Variants in SHLD2 observed in about 807,000 individuals in gnomAD.
SHLD2 encodes shieldin complex subunit 2.
In SHLD2, 30 loss-of-function variants were observed where a neutral mutation model predicts 73.2. That is an observed-to-expected ratio of 0.41 (90% CI 0.31 to 0.56). SHLD2 has a LOEUF of 0.56. Among genes scored for constraint, SHLD2 ranks in the 20% least tolerant of loss-of-function variants. The pLI is 0.28. For missense variants in SHLD2, 745 were observed against 1,055.9 expected (o/e 0.71, Z 4.08); for synonymous variants, 285 against 370.1 (o/e 0.77, Z 2.64).
chr10:87,116,578 AGGG>A (rs1354221485), intron 2 of SHLD2, among the ~76,000 whole-genome samples: 2 of 136,964 alleles, frequency 1.5e-5, no homozygotes, highest in Non-Finnish European at 1.5e-5. Flanking sequence ...TTTTCAGTGA[AGGG>A]GGGATAAGGT....
At chr10:87,148,103 A>T (rs1347539055) in intron 2 of SHLD2, among the ~76,000 whole-genome samples, 2 of 152,154 alleles carry the variant, frequency 1.3e-5, no homozygotes, top group Admixed American at 1.3e-4. Flanking sequence ...CACTTGCCTC[A>T]GCCTCCCGAA....
intron 2 of SHLD2, among the ~76,000 whole-genome samples, chr10:87,107,028 C>T (rs553053959): frequency 1.2e-4 from 17 of 141,086 alleles, no homozygotes; most frequent in Admixed American, 8.5e-4. Flanking sequence ...GGAGGGCCAT[C>T]GAAAACTAGT....
At chr10:87,126,500 A>T (rs1384919496) in intron 2 of SHLD2, among the ~76,000 whole-genome samples, 3 of 152,150 alleles carry the variant, frequency 2.0e-5, no homozygotes, top group Non-Finnish European at 4.4e-5. Flanking sequence ...TACTAACTAG[A>T]AGTAGTATAG....
chr10:87,144,057 G>T (rs1203070910), intron 2 of SHLD2, among the ~76,000 whole-genome samples: 2 of 151,822 alleles, frequency 1.3e-5, no homozygotes, highest in Non-Finnish European at 2.9e-5. Flanking sequence ...AGAGACGGGG[G>T]TTTCGTCGTG....
At chr10:87,125,365 TC>T (rs1333948683) in intron 2 of SHLD2, among the ~76,000 whole-genome samples, 1 of 152,230 alleles carries the variant, frequency 6.6e-6, no homozygotes, top group Non-Finnish European at 1.5e-5. Context: ...TAGGTGAATT[TC>T]TCAGGTTTTA....
intron 4 of SHLD2, among the ~76,000 whole-genome samples, chr10:87,160,735 A>T (rs1351791799): frequency 6.6e-6 from 1 of 152,200 alleles, no homozygotes; most frequent in East Asian, 1.9e-4. Context: ...CACGCCTGTA[A>T]TCCCAGCACT....
chr10:87,165,657 AG>A (rs1847146899), intron 4 of SHLD2, among the ~76,000 whole-genome samples: 1 of 152,218 alleles, frequency 6.6e-6, no homozygotes, highest in Admixed American at 6.5e-5. Context: ...TATAGACTAG[AG>A]GAGACCAAAG....
intron 8 of SHLD2, among the ~76,000 whole-genome samples, chr10:87,181,335 A>G (rs1027823567): frequency 1.3e-5 from 2 of 151,412 alleles, no homozygotes; most frequent in Non-Finnish European, 2.9e-5. Context: ...ACAGTGAGCT[A>G]TGTTTGCACC....
In SHLD2 at chr10:87,124,116, A is replaced by T. The variant is rs543840443; in HGVS notation, c.-6+27127A>T. On this transcript the variant is annotated intron_variant, in intron 2 of 9. Coordinates refer to ENST00000298786, the MANE Select transcript of SHLD2 (RefSeq NM_001330112.2). Reference sequence around the variant, plus strand: ...TGAAATAATGCATGTTTTTGTGAATAAAAATTGATATAATAAAGTTTAAAG... The same window carrying T: ...TGAAATAATGCATGTTTTTGTGAATTAAAATTGATATAATAAAGTTTAAAG... Among the ~76,000 whole-genome samples, 12 of 152,208 alleles carry T rather than the reference A, an allele frequency of 7.9e-5. No individual in the cohort carries two copies. The East Asian group carries it at 2.3e-3, about 29-fold the overall frequency.
At chr10:87,160,769 C>A (rs931371918) in intron 4 of SHLD2, among the ~76,000 whole-genome samples, 2 of 152,096 alleles carry the variant, frequency 1.3e-5, no homozygotes, top group Admixed American at 1.3e-4. Context: ...GTGGGCGGAT[C>A]ACTTGAGGCC....
intron 4 of SHLD2, among the ~76,000 whole-genome samples, chr10:87,166,967 G>A (rs113161803): frequency 9.5e-6 from 1 of 105,662 alleles, no homozygotes; most frequent in African/African-American, 3.6e-5. Context: ...GTGTGTGTGT[G>A]TGTGTGTGTG....
intron 2 of SHLD2, among the ~76,000 whole-genome samples, chr10:87,119,771 CTG>C (rs1401301574): frequency 9.2e-6 from 1 of 109,008 alleles, no homozygotes; most frequent in African/African-American, 4.7e-5. Flanking sequence ...GTGCAAGACT[CTG>C]TCTCAAAAAA....
chr10:87,107,302 T>C (rs1469894603), intron 2 of SHLD2, among the ~76,000 whole-genome samples: 3 of 151,878 alleles, frequency 2.0e-5, no homozygotes, highest in Non-Finnish European at 4.4e-5. Context: ...TAATCCCAGC[T>C]ACTGGGGAGG....
At chr10:87,151,280 TA>T in intron 2 of SHLD2, 69 bp from the exon 3 acceptor site, 1 of 760,650 alleles carries the variant, frequency 1.3e-6, no homozygotes, top group Non-Finnish European at 2.0e-6. Flanking sequence ...TTTGGTACAT[TA>T]TTAAGTTAAT....
chr10:87,125,007 T>C (rs1166247586), intron 2 of SHLD2, among the ~76,000 whole-genome samples: 2 of 152,134 alleles, frequency 1.3e-5, no homozygotes, highest in East Asian at 3.8e-4. Context: ...CCTCCCAAAG[T>C]GTTAGGATTT....
At chr10:87,188,798 T>C (rs1848806377) in intron 9 of SHLD2, among the ~76,000 whole-genome samples, 1 of 152,164 alleles carries the variant, frequency 6.6e-6, no homozygotes, top group South Asian at 2.1e-4. Context: ...GGTTCTCATG[T>C]GTATTCAAGA....
intron 8 of SHLD2, among the ~76,000 whole-genome samples, chr10:87,181,713 G>C: frequency 6.6e-6 from 1 of 151,860 alleles, no homozygotes; most frequent in East Asian, 1.9e-4. Context: ...TGTCTTACTA[G>C]AATGTTGAAT....
chr10:87,149,906 A>AT (rs1845890324), intron 2 of SHLD2, among the ~76,000 whole-genome samples: 1 of 151,678 alleles, frequency 6.6e-6, no homozygotes, highest in Non-Finnish European at 1.5e-5. Context: ...ATTTTAAGAA[A>AT]TTTTTTAGTT....
At chr10:87,128,863 GTTT>G (rs990272449) in intron 2 of SHLD2, among the ~76,000 whole-genome samples, 1 of 151,954 alleles carries the variant, frequency 6.6e-6, no homozygotes, top group Non-Finnish European at 1.5e-5. Context: ...TGTTGTTTTT[GTTT>G]TTTAATTTTT....
Sources: gnomAD v4.1 joint callset for allele counts (sites outside exome capture counted in the v4.1 genomes callset) on GRCh38, gnomAD v4.1.1 for gene constraint, MANE v1.5 for transcripts, NCBI Gene and HGNC (gene_info 2026-07-23, HGNC 2026-07-21) for gene names.